Variants in COL4A1 observed in about 807,000 individuals in gnomAD.
The protein encoded by COL4A1 is collagen alpha-1(IV) chain.
A neutral mutation model predicts 216.6 loss-of-function variants in COL4A1; 40 were observed. The observed-to-expected ratio is 0.18, with a 90% CI of 0.14 to 0.24. COL4A1 has a LOEUF of 0.24. Ranked by LOEUF, COL4A1 falls within the 10% of genes least tolerant of loss-of-function variation. COL4A1 has a pLI of 1.00. For synonymous variants in COL4A1, 839 were observed against 810.7 expected (o/e 1.03, Z -0.59); for missense variants, 1,628 against 2,196.8 (o/e 0.74, Z 5.18).
At chr13:110,184,593 A>T (rs867964879) in intron 26 of COL4A1, among the ~76,000 whole-genome samples, 1 of 152,232 alleles carries the variant, frequency 6.6e-6, no homozygotes, top group African/African-American at 2.4e-5. Flanking sequence ...GAGAAGGATA[A>T]GAGTAACAGT....
intron 24 of COL4A1, 67 bp from the exon 25 acceptor site, chr13:110,187,396 C>T (rs1304443292): frequency 4.5e-6 from 7 of 1,566,576 alleles, no homozygotes; most frequent in Non-Finnish European, 6.1e-6. Context: ...GTGACTGTAA[C>T]ACAAGCAACC....
chr13:110,185,924 C>G (rs1878380506), intron 26 of COL4A1, among the ~76,000 whole-genome samples: 2 of 152,198 alleles, frequency 1.3e-5, no homozygotes, highest in Non-Finnish European at 2.9e-5. Flanking sequence ...ACAACTAAAA[C>G]CACCATGGAA....
intron 22 of COL4A1, 71 bp from the exon 23 acceptor site, chr13:110,192,984 C>G: frequency 7.2e-7 from 1 of 1,383,846 alleles, no homozygotes; most frequent in Non-Finnish European, 1.0e-6. Context: ...ACTGAGAGAA[C>G]AGAAAAAGGC....
At chr13:110,206,969 GAA>G (rs60585275) in intron 13 of COL4A1, 78 bp from the exon 14 acceptor site, 552 of 1,159,466 alleles carry the variant, frequency 4.8e-4, no homozygotes, top group African/African-American at 1.2e-3. Context: ...ACACACAGCA[GAA>G]AAAAAAAAAA....
In COL4A1 at chr13:110,209,837, T is replaced by G. The variant is rs9583468; in HGVS notation, c.615+143A>C. On this transcript the variant is annotated intron_variant, in intron 10 of 51. Transcript: ENST00000375820. ...ACCGGGATGCCAGCCAAACGTTTAG[T>G]AAGAGGGAAGCTGATTCCGCCATGT... 7.5e-4 allele frequency: 779 copies of G among 1,033,350 alleles called. 4 individuals carry two copies. In the African/African-American group the frequency reaches 0.01, roughly 13 times the overall value. The allele number at this position is 1,033,350 out of a possible 1,614,324, so 64.0% of individuals were successfully genotyped here. A position where few individuals can be genotyped will look rare whatever the true frequency, so the allele number is the denominator to read the frequency against.
intron 2 of COL4A1, among the ~76,000 whole-genome samples, chr13:110,222,629 C>T (rs984411859): frequency 6.8e-6 from 1 of 146,208 alleles, no homozygotes; most frequent in Non-Finnish European, 1.5e-5. Flanking sequence ...AAAAATTAGC[C>T]GGGTGTGGTG....
chr13:110,291,517 T>A (rs1333776166), intron 1 of COL4A1, among the ~76,000 whole-genome samples: 1 of 152,144 alleles, frequency 6.6e-6, no homozygotes, highest in Non-Finnish European at 1.5e-5. Context: ...CCCTCTCCCA[T>A]CGCCTTCTCA....
chr13:110,258,805 A>G (rs1484987348), intron 1 of COL4A1, among the ~76,000 whole-genome samples: 1 of 152,244 alleles, frequency 6.6e-6, no homozygotes, highest in Admixed American at 6.5e-5. Flanking sequence ...CACAATATAT[A>G]TATTTTAAAT....
At position 110,253,271 on chromosome 13, in the gene COL4A1, ATATAAT is replaced by A. The variant is rs552330027; in HGVS notation, c.85-10543_85-10538del. ...TATACATATAATTAGGTATATATAC[ATATAAT>A]TATATGTATTACATATACATATAAT... On this transcript the variant is annotated intron_variant, in intron 1 of 51. Coordinates refer to ENST00000375820, the MANE Select transcript of COL4A1 (RefSeq NM_001845.6). Among the ~76,000 whole-genome samples, 70 of 130,640 alleles carry A rather than the reference ATATAAT, an allele frequency of 5.4e-4. 2 individuals are homozygous for A. Among genetic ancestry groups the A allele is most frequent in the African/African-American group, 2.0e-3 (68 of 34,002 alleles). The allele number at this position is 130,640 out of a possible 152,430, so 85.7% of individuals were successfully genotyped here. A position where few individuals can be genotyped will look rare whatever the true frequency, so the allele number is the denominator to read the frequency against.
intron 1 of COL4A1, among the ~76,000 whole-genome samples, chr13:110,290,120 G>A (rs1385251335): frequency 6.6e-6 from 1 of 152,212 alleles, no homozygotes; most frequent in Non-Finnish European, 1.5e-5. Flanking sequence ...TTCATGTTCG[G>A]TAATTTTGAC....
intron 2 of COL4A1, among the ~76,000 whole-genome samples, chr13:110,223,775 GCA>G (rs1247267952): frequency 1.3e-5 from 2 of 152,260 alleles, no homozygotes; most frequent in East Asian, 3.9e-4. Flanking sequence ...CAAATAAGTT[GCA>G]CAGAGCTCTC....
At position 110,201,555 on chromosome 13, in the gene COL4A1, G is replaced by T. The variant is rs746088336; in HGVS notation, c.1000-33C>A. ...GAGAAGGAAAAGGTGATCATCCCGT[G>T]GCATGGGAATGGCTAGTCCTGTATA... is the stretch of plus-strand genomic sequence containing the variant. On this transcript the variant is annotated intron_variant, in intron 18 of 51. Coordinates refer to ENST00000375820, the MANE Select transcript of COL4A1 (RefSeq NM_001845.6). 5 of 1,583,416 alleles carry T rather than the reference G, an allele frequency of 3.2e-6. No homozygotes were observed. The East Asian group carries it at 1.1e-4, about 35-fold the overall frequency.
intron 1 of COL4A1, among the ~76,000 whole-genome samples, chr13:110,296,077 A>G (rs1884263449): frequency 6.6e-6 from 1 of 152,228 alleles, no homozygotes; most frequent in East Asian, 1.9e-4. Context: ...ACTCTGCCCT[A>G]TTAAACTAGG....
chr13:110,230,236 GGTAT>G (rs1275758518), intron 2 of COL4A1, among the ~76,000 whole-genome samples: 3 of 151,848 alleles, frequency 2.0e-5, no homozygotes, highest in Admixed American at 2.0e-4. Context: ...TGGTGTGTGT[GGTAT>G]GTATGTGTGT....
intron 1 of COL4A1, among the ~76,000 whole-genome samples, chr13:110,261,793 T>C (rs1281553382): frequency 1.3e-5 from 2 of 152,174 alleles, no homozygotes; most frequent in East Asian, 3.9e-4. Context: ...ACACTCTGCG[T>C]CCTCTGCCAC....
At chr13:110,277,721 T>C (rs1883481966) in intron 1 of COL4A1, among the ~76,000 whole-genome samples, 1 of 152,234 alleles carries the variant, frequency 6.6e-6, no homozygotes, top group Non-Finnish European at 1.5e-5. Context: ...AGATTCACTC[T>C]GGGTGACTCA....
chr13:110,200,229 C>CACACACGTGG (rs146819590), intron 20 of COL4A1, among the ~76,000 whole-genome samples: 1 of 152,254 alleles, frequency 6.6e-6, no homozygotes, highest in Non-Finnish European at 1.5e-5. Context: ...GGTGCACACG[C>CACACACGTGG]ACACACGTGG....
intron 50 of COL4A1, among the ~76,000 whole-genome samples, chr13:110,155,006 C>T (rs1876709792): frequency 6.6e-6 from 1 of 152,236 alleles, no homozygotes; most frequent in African/African-American, 2.4e-5. Flanking sequence ...CACAGGGAAG[C>T]AGAGGCCTGG....
intron 42 of COL4A1, among the ~76,000 whole-genome samples, chr13:110,170,101 GGAAGGGAGGAAA>G (rs1232860936): frequency 1.1e-3 from 88 of 79,424 alleles, no homozygotes; most frequent in African/African-American, 5.6e-3. Flanking sequence ...GAGGGAGAGA[GGAAGGGAGGAAA>G]GAAGGAAGGA....
Sources: allele counts gnomAD v4.1 joint callset (sites outside exome capture counted in the v4.1 genomes callset), GRCh38; gene constraint gnomAD v4.1.1; transcripts MANE v1.5; gene names NCBI Gene and HGNC (gene_info 2026-07-23, HGNC 2026-07-21).